Variants in MARCHF10 observed in about 807,000 individuals in gnomAD.
The protein encoded by MARCHF10 is membrane associated ring-CH-type finger 10.
MARCHF10 carries 64 observed loss-of-function variants against 76.2 expected under a neutral mutation model. That is an observed-to-expected ratio of 0.84 (90% confidence interval 0.69 to 1.03). The LOEUF (loss-of-function observed/expected upper bound fraction) is 1.03. MARCHF10 is among the 50% of genes least tolerant of loss of function. The probability of loss-of-function intolerance (pLI) is 0.00; values close to 1 mark genes in which losing one functional copy is unlikely to be tolerated. For synonymous variants in MARCHF10, 340 were observed against 357.5 expected (o/e 0.95, Z 0.55); for missense variants, 875 against 958.0 (o/e 0.91, Z 1.14).
Position 62,738,867 on chromosome 17 carries a change from T to C in MARCHF10, c.536-1535A>G, listed in dbSNP as rs963641808. ...ACCCCAGTTAGAGATGCAGCAGCAA[T>C]TCAAGGATGCTTTGAGCATCTGGCT... is the stretch of plus-strand genomic sequence containing the variant. On this transcript the variant is annotated intron_variant, in intron 5 of 10. Transcript: ENST00000311269. This position sits in a 1 kb window ranked among gnomAD's most constrained non-coding sequence, Gnocchi z 4.0. Among the ~76,000 whole-genome samples the C allele has an allele frequency of 8.5e-5, 13 of 152,220 alleles. No individual in the cohort carries two copies. Among genetic ancestry groups the C allele is most frequent in the Non-Finnish European group, 1.9e-4 (13 of 68,032 alleles).
intron 1 of MARCHF10, among the ~76,000 whole-genome samples, chr17:62,802,541 T>C (rs1194054357): frequency 6.6e-6 from 1 of 152,062 alleles, no homozygotes; most frequent in Non-Finnish European, 1.5e-5. Flanking sequence ...TAATCCAGGG[T>C]GCGAGACTGA....
chr17:62,734,026 A>G (rs2091151414), intron 6 of MARCHF10, among the ~76,000 whole-genome samples: 1 of 152,092 alleles, frequency 6.6e-6, no homozygotes. Flanking sequence ...CTACTTAAAA[A>G]TACAAAAATT....
At chr17:62,751,253 C>T (rs2091889135) in intron 4 of MARCHF10, among the ~76,000 whole-genome samples, 1 of 152,170 alleles carries the variant, frequency 6.6e-6, no homozygotes, top group Admixed American at 6.5e-5. Context: ...CCAGCTGGGT[C>T]ACCTTGAATC....
chr17:62,786,585 A>G (rs2092751807), intron 3 of MARCHF10, among the ~76,000 whole-genome samples: 1 of 152,206 alleles, frequency 6.6e-6, no homozygotes, highest in South Asian at 2.1e-4. Context: ...GGGAAATAAG[A>G]GCCATATAAA....
At chr17:62,769,118 T>C (rs1042651666) in intron 3 of MARCHF10, among the ~76,000 whole-genome samples, 1 of 152,250 alleles carries the variant, frequency 6.6e-6, no homozygotes, top group Non-Finnish European at 1.5e-5. Context: ...ATAGGTGGTG[T>C]GGTGTCCTTC....
intron 3 of MARCHF10, among the ~76,000 whole-genome samples, chr17:62,777,975 A>G (rs1475411252): frequency 1.3e-5 from 2 of 152,050 alleles, no homozygotes; most frequent in African/African-American, 4.8e-5. Flanking sequence ...CTGCATCACA[A>G]CTGTCAGTCA....
At chr17:62,705,441 C>G in intron 10 of MARCHF10, 98 bp downstream of exon 10, 1 of 1,608,414 alleles carries the variant, frequency 6.2e-7, no homozygotes, top group Non-Finnish European at 8.5e-7. Context: ...GGGTGGTGGT[C>G]ATTCCTTCCT....
At chr17:62,704,295 C>T (rs2089439369) in intron 10 of MARCHF10, among the ~76,000 whole-genome samples, 1 of 151,986 alleles carries the variant, frequency 6.6e-6, no homozygotes, top group Admixed American at 6.6e-5. Context: ...AAAGACCTCG[C>T]AGCGCCCTTC....
At chr17:62,785,641 A>T (rs192649934) in intron 3 of MARCHF10, among the ~76,000 whole-genome samples, 149 of 152,360 alleles carry the variant, frequency 9.8e-4, no homozygotes, top group African/African-American at 3.4e-3. Context: ...ACAAAGGGCT[A>T]ATATCCAGAA....
intron 7 of MARCHF10, 89 bp downstream of exon 7, chr17:62,724,849 G>A: frequency 7.1e-7 from 1 of 1,417,350 alleles, no homozygotes; most frequent in Non-Finnish European, 9.8e-7. Context: ...AGGAGAGTGA[G>A]CTGATGACAA....
intron 1 of MARCHF10, among the ~76,000 whole-genome samples, chr17:62,806,992 C>T (rs1311947354): frequency 6.6e-6 from 1 of 152,224 alleles, no homozygotes; most frequent in East Asian, 1.9e-4. Flanking sequence ...AACAATCTAA[C>T]CTCCTCCTTA....
rs750899531 is a variant in MARCHF10, at chr17:62,801,631, G to A, written c.90+15C>T. On this transcript the variant is annotated intron_variant, in intron 2 of 10. Coordinates refer to ENST00000311269, the MANE Select transcript of MARCHF10 (RefSeq NM_152598.4). The stretch of plus-strand genomic sequence containing the variant: ...CAAGAGAAGGCAGAAGACCATTCTT[G>A]CTTTCTGCAATTACCTGATACTCAG... The A allele has an allele frequency of 6.2e-7, 1 of 1,606,664 alleles. No individual in the cohort carries two copies. The highest frequency in any genetic ancestry group is 8.5e-7 in the Non-Finnish European group (1 of 1,173,320).
intron 1 of MARCHF10, among the ~76,000 whole-genome samples, chr17:62,805,915 A>T (rs756381705): frequency 0.055 from 7,189 of 130,652 alleles, 389 homozygotes; most frequent in African/African-American, 0.17. Flanking sequence ...AAATAAAAAA[A>T]AATAATAATA....
chr17:62,743,216 C>T (rs189962885), intron 5 of MARCHF10, among the ~76,000 whole-genome samples: 17 of 152,324 alleles, frequency 1.1e-4, no homozygotes, highest in African/African-American at 3.1e-4. Flanking sequence ...TCATGCCCTT[C>T]CCGGCAGAAG....
intron 8 of MARCHF10, chr17:62,714,384 A>C: frequency 1.0e-6 from 1 of 985,232 alleles, no homozygotes; most frequent in Non-Finnish European, 1.2e-6. Flanking sequence ...TCCTCAAAGC[A>C]TGATAGTAAA....
intron 3 of MARCHF10, among the ~76,000 whole-genome samples, chr17:62,774,580 G>A (rs891249582): frequency 2.0e-5 from 3 of 152,118 alleles, no homozygotes; most frequent in Non-Finnish European, 2.9e-5. Flanking sequence ...GCTCTGAGAA[G>A]GGGTCTGAGG....
intron 7 of MARCHF10, among the ~76,000 whole-genome samples, chr17:62,724,342 A>G (rs909995002): frequency 3.3e-5 from 5 of 152,162 alleles, no homozygotes; most frequent in Non-Finnish European, 7.3e-5. Context: ...CCGCACACCC[A>G]GTTATAAGAT....
chr17:62,713,063 GCCTCCTCCTGC>G (rs1438956327), intron 8 of MARCHF10, among the ~76,000 whole-genome samples: 5 of 152,020 alleles, frequency 3.3e-5, no homozygotes, highest in Non-Finnish European at 7.4e-5. Flanking sequence ...TGTTTTAATT[GCCTCCTCCTGC>G]CCTCCCCGTG....
intron 6 of MARCHF10, among the ~76,000 whole-genome samples, chr17:62,727,636 C>T (rs2090826740): frequency 6.6e-6 from 1 of 152,200 alleles, no homozygotes; most frequent in African/African-American, 2.4e-5. Flanking sequence ...CATCAGTCTC[C>T]TTTCCCACAC....
Sources: gnomAD v4.1 joint callset for allele counts (sites outside exome capture counted in the v4.1 genomes callset) on GRCh38, gnomAD v4.1.1 for gene constraint, Gnocchi (gnomAD v3.1) non-coding constraint, MANE v1.5 for transcripts, NCBI Gene and HGNC (gene_info 2026-07-23, HGNC 2026-07-21) for gene names.